The following IGF1R variants were observed in gnomAD, a reference collection of about 807,000 sequenced individuals.
The protein encoded by IGF1R is insulin like growth factor 1 receptor, also known as insulin-like growth factor 1 receptor.
A neutral mutation model predicts 144.6 loss-of-function variants in IGF1R; 44 were observed. The observed-to-expected ratio is 0.30, with a 90% CI of 0.24 to 0.39. IGF1R has a LOEUF of 0.39. Among genes scored for constraint, IGF1R ranks in the 10% least tolerant of loss-of-function variants. The pLI is 1.00. For missense variants in IGF1R, 1,355 were observed against 1,833.7 expected (o/e 0.74, Z 4.77); for synonymous variants, 795 against 722.8 (o/e 1.10, Z -1.60).
chr15:98,773,002 G>A (rs2055626527), intron 2 of IGF1R, among the ~76,000 whole-genome samples: 2 of 152,034 alleles, frequency 1.3e-5, no homozygotes, highest in South Asian at 4.1e-4. Flanking sequence ...CAAAATTATA[G>A]CATCTTACCA....
At position 98,671,480 on chromosome 15, in the gene IGF1R, G is replaced by A. The variant is rs192202557; in HGVS notation, c.94+21805G>A. ...TGTCCCAACTGAGCTTGTAATTATA[G>A]GGGCAAGATTTGTGTGGTGGTAGGG... On this transcript the variant is annotated intron_variant, in intron 1 of 20. Coordinates refer to ENST00000650285, the MANE Select transcript of IGF1R (RefSeq NM_000875.5). Among the ~76,000 whole-genome samples, 1,428 of 152,312 alleles carry A rather than the reference G, an allele frequency of 9.4e-3. 17 individuals carry two copies. The highest frequency in any genetic ancestry group is 0.013 in the Non-Finnish European group (884 of 68,026).
rs61731172 is a variant in IGF1R at position 98,916,084 on chromosome 15, G to A, written c.1949G>A (p.Arg650Gln). The change falls in exon 9 of 21, where the codon CGG (arginine) becomes CAG (glutamine). Residue 650 changes from arginine to glutamine, a missense_variant. By Grantham distance (43) the Arg-to-Gln change is conservative (BLOSUM62 1). This residue lies in a region of IGF1R where 880 missense variants were observed against 1,202.7 expected (regional missense o/e 0.73). Transcript: ENST00000650285. ...NLSYYIVRWQRQPQDGYLYRH... is the reference protein window; with the variant it reads ...NLSYYIVRWQQQPQDGYLYRH... ...AGTTACTACATTGTGCGCTGGCAGC[G>A]GCAGCCTCAGGACGGCTACCTTTAC... 689 of 1,614,164 alleles carry A rather than the reference G, an allele frequency of 4.3e-4. 6 individuals carry two copies. The African/African-American group carries it at 6.7e-3, about 16-fold the overall frequency.
intron 2 of IGF1R, among the ~76,000 whole-genome samples, chr15:98,736,421 A>C (rs1286915881): frequency 6.6e-6 from 1 of 152,118 alleles, no homozygotes; most frequent in Non-Finnish European, 1.5e-5. Context: ...TGAGACATGG[A>C]TAAGGCTTTC....
chr15:98,735,621 C>T (rs2054592679), intron 2 of IGF1R, among the ~76,000 whole-genome samples: 2 of 152,130 alleles, frequency 1.3e-5, no homozygotes, highest in South Asian at 4.2e-4. Flanking sequence ...CAAGGTGGTC[C>T]CTTAGGAGAA....
At chr15:98,906,744 C>T (rs564186961) in intron 5 of IGF1R, among the ~76,000 whole-genome samples, 7 of 152,368 alleles carry the variant, frequency 4.6e-5, no homozygotes, top group African/African-American at 1.4e-4. Flanking sequence ...GGAGCCCTTA[C>T]TGAAAGGAAA....
intron 2 of IGF1R, among the ~76,000 whole-genome samples, chr15:98,888,649 C>T (rs561987290): frequency 1.3e-4 from 20 of 152,102 alleles, no homozygotes; most frequent in African/African-American, 4.8e-4. Flanking sequence ...TGGAAATAGC[C>T]TGGAGTCATT....
At chr15:98,824,530 C>T (rs1047308704) in intron 2 of IGF1R, among the ~76,000 whole-genome samples, 20 of 152,200 alleles carry the variant, frequency 1.3e-4, no homozygotes, top group Admixed American at 1.3e-3. Flanking sequence ...GAAGTCCTAA[C>T]CATTAGACTC....
At chr15:98,895,240 ACACACAC>A (rs1307752639) in intron 3 of IGF1R, among the ~76,000 whole-genome samples, 68 of 63,810 alleles carry the variant, frequency 1.1e-3, no homozygotes, top group African/African-American at 2.0e-3. Flanking sequence ...ACACACACAC[ACACACAC>A]ACACACACAC....
chr15:98,680,924 A>C (rs893222697), intron 1 of IGF1R, among the ~76,000 whole-genome samples: 1 of 144,990 alleles, frequency 6.9e-6, no homozygotes, highest in Non-Finnish European at 1.5e-5. Flanking sequence ...ATGTTTAGGT[A>C]TGTTTAAATA....
chr15:98,687,613 G>A (rs560955885), intron 1 of IGF1R, among the ~76,000 whole-genome samples: 30 of 152,312 alleles, frequency 2.0e-4, no homozygotes, highest in Admixed American at 9.2e-4. Context: ...CTTGGTAGTA[G>A]GGTGGAGGGT....
intron 2 of IGF1R, among the ~76,000 whole-genome samples, chr15:98,802,950 T>A (rs548833581): frequency 7.2e-5 from 11 of 152,234 alleles, no homozygotes; most frequent in Non-Finnish European, 1.3e-4. Context: ...GACACCGAAC[T>A]AATGATATTT....
intron 2 of IGF1R, among the ~76,000 whole-genome samples, chr15:98,715,540 G>A (rs1202194044): frequency 6.6e-6 from 1 of 152,194 alleles, no homozygotes; most frequent in Non-Finnish European, 1.5e-5. Flanking sequence ...TAATACCTCT[G>A]TCTTGCTTTC....
At chr15:98,878,592 A>G (rs534382743) in intron 2 of IGF1R, among the ~76,000 whole-genome samples, 4 of 146,704 alleles carry the variant, frequency 2.7e-5, no homozygotes, top group Non-Finnish European at 6.0e-5. Context: ...TGTTGCTCAC[A>G]GTACTGGGGA....
chr15:98,943,707 A>G (rs756872286), intron 19 of IGF1R, among the ~76,000 whole-genome samples: 11 of 152,218 alleles, frequency 7.2e-5, no homozygotes, highest in Non-Finnish European at 1.5e-4. Flanking sequence ...CTGAAATACA[A>G]CTGAGGTTAT....
chr15:98,682,662 C>T (rs553822021), intron 1 of IGF1R, among the ~76,000 whole-genome samples: 1 of 152,178 alleles, frequency 6.6e-6, no homozygotes, highest in East Asian at 1.9e-4. Flanking sequence ...ATTCTCCTGC[C>T]TCAGCCTTCC....
chr15:98,917,453 C>G (rs909419737), intron 10 of IGF1R, among the ~76,000 whole-genome samples: 1 of 152,210 alleles, frequency 6.6e-6, no homozygotes, highest in Non-Finnish European at 1.5e-5. Flanking sequence ...TCTTTCAAAG[C>G]AACACAGCCC....
intron 1 of IGF1R, among the ~76,000 whole-genome samples, chr15:98,673,417 ATAAC>A (rs199963601): frequency 3.6e-3 from 543 of 152,344 alleles, no homozygotes; most frequent in Admixed American, 0.017. Flanking sequence ...TAGTAGGAAA[ATAAC>A]AGCCCTCTTA....
At chr15:98,822,691 G>A (rs1447567394) in intron 2 of IGF1R, among the ~76,000 whole-genome samples, 3 of 152,188 alleles carry the variant, frequency 2.0e-5, no homozygotes, top group African/African-American at 7.2e-5. Context: ...TCCAAATTTT[G>A]TGAGTTCCCT....
At position 98,962,666 on chromosome 15, in the gene IGF1R, G is replaced by C. The variant is rs2017271895; in HGVS notation, c.*5224G>C. The C allele has an allele frequency of 4.3e-6, 1 of 233,710 alleles. No individual in the cohort carries two copies. The highest frequency in any genetic ancestry group is 2.2e-5 in the African/African-American group (1 of 45,346). 14.5% of individuals were successfully genotyped at this position (233,710 alleles called of 1,614,324 possible). On this transcript the variant is annotated 3_prime_UTR_variant, in exon 21 of 21. Transcript: ENST00000650285. ...CAGAACCATTGTCACAGGGATCCTG[G>C]CACAGAGAAGAGTTACGAGCAGCAG...
Sources: gnomAD v4.1 joint callset for allele counts (sites outside exome capture counted in the v4.1 genomes callset) on GRCh38, gnomAD v4.1.1 for gene constraint, gnomAD v4.1.1 regional missense constraint, MANE v1.5 for transcripts, NCBI Gene and HGNC (gene_info 2026-07-23, HGNC 2026-07-21) for gene names.